The following PTPRJ variants were observed in gnomAD, a reference collection of about 807,000 sequenced individuals.
PTPRJ encodes the protein protein tyrosine phosphatase receptor type J, also known as receptor-type tyrosine-protein phosphatase eta.
A neutral mutation model predicts 141.3 loss-of-function variants in PTPRJ; 129 were observed. The ratio of observed to expected loss-of-function variants is 0.91; its 90% CI spans 0.79 to 1.06. The LOEUF (loss-of-function observed/expected upper bound fraction) is 1.06, where lower values mean the gene tolerates loss of function less well. PTPRJ is among the 50% of genes least tolerant of loss of function. The pLI is 0.00. For missense variants in PTPRJ, 1,601 were observed against 1,679.7 expected (o/e 0.95, Z 0.82); for synonymous variants, 610 against 640.5 (o/e 0.95, Z 0.72).
chr11:48,167,182 C>T, intron 24 of PTPRJ, 22 bp from the exon 25 acceptor site: 2 of 1,595,040 alleles, frequency 1.3e-6, no homozygotes, highest in Non-Finnish European at 8.6e-7. Flanking sequence ...TTTTCTGTCT[C>T]TCTCTTTCGT....
At position 48,156,032 on chromosome 11, in the gene PTPRJ, G is replaced by A. The variant is rs760364226; in HGVS notation, c.3351G>A (p.Pro1117=). 1.3e-5 allele frequency: 21 copies of A among 1,605,908 alleles called. No homozygotes were observed. The highest frequency in any genetic ancestry group is 1.7e-5 in the Non-Finnish European group (20 of 1,172,682). Residue 1117 remains proline, a synonymous_variant, in exon 21 of 25, where the codon CCG becomes CCA. Coordinates refer to ENST00000418331, the MANE Select transcript of PTPRJ (RefSeq NM_002843.4). ...KDFIATQGPL[P]NTLKDFWRMV... ...TTATTGCCACACAAGGACCTTTACC[G>A]AACACTTTGAAAGATTTTTGGCGTA...
intron 1 of PTPRJ, among the ~76,000 whole-genome samples, chr11:48,082,866 C>A (rs546692420): frequency 1.3e-5 from 2 of 152,244 alleles, no homozygotes; most frequent in African/African-American, 4.8e-5. Flanking sequence ...ATAGTATCTA[C>A]CCTCCAGGAG....
At chr11:48,070,705 T>C (rs1392427620) in intron 1 of PTPRJ, among the ~76,000 whole-genome samples, 1 of 152,238 alleles carries the variant, frequency 6.6e-6, no homozygotes, top group Non-Finnish European at 1.5e-5. Context: ...AGGGGATTTC[T>C]CCATGGGCCT....
rs141585523 is a variant in PTPRJ at position 48,015,743 on chromosome 11, C to T, written c.96+34735C>T. On this transcript the variant is annotated intron_variant, in intron 1 of 24. Transcript: ENST00000418331. ...GCGTGCACCTGTAATCCCAGCTACT[C>T]GGGAGGCTGAGGCAGGAGAATCCCT... The T allele has an allele frequency of 9.9e-3, 1,463 of 147,746 alleles. 9 individuals carry two copies. The highest frequency in any genetic ancestry group is 0.041 in the Middle Eastern group (11 of 268). The allele number at this position is 147,746 out of a possible 1,614,324, so 9.2% of individuals were successfully genotyped here. A position where few individuals can be genotyped will look rare whatever the true frequency, so the allele number is the denominator to read the frequency against.
chr11:48,070,768 T>G (rs1161715304), intron 1 of PTPRJ, among the ~76,000 whole-genome samples: 1 of 152,250 alleles, frequency 6.6e-6, no homozygotes, highest in Non-Finnish European at 1.5e-5. Flanking sequence ...GTGCCATTGC[T>G]AAGAGTTTTT....
chr11:48,053,221 TAAA>T (rs1333872815), intron 1 of PTPRJ, among the ~76,000 whole-genome samples: 2 of 87,914 alleles, frequency 2.3e-5, no homozygotes, highest in African/African-American at 1.1e-4. Context: ...TATAATATAT[TAAA>T]TATATTATAT....
chr11:48,121,766 A>G (rs540390830), intron 4 of PTPRJ, among the ~76,000 whole-genome samples: 1 of 152,356 alleles, frequency 6.6e-6, no homozygotes, highest in African/African-American at 2.4e-5. Context: ...AGATGTCAAT[A>G]CCGAAGCCAT....
intron 19 of PTPRJ, among the ~76,000 whole-genome samples, chr11:48,154,353 G>A (rs1288865453): frequency 6.6e-6 from 1 of 152,254 alleles, no homozygotes; most frequent in African/African-American, 2.4e-5. Context: ...CACATGGGCT[G>A]AGTGAATTCC....
At chr11:47,986,077 A>G (rs1854044128) in intron 1 of PTPRJ, among the ~76,000 whole-genome samples, 1 of 152,092 alleles carries the variant, frequency 6.6e-6, no homozygotes, top group African/African-American at 2.4e-5. Context: ...ATCCCTCTTC[A>G]TCCTTCCAAG....
At chr11:48,159,161 G>GTGTGTGTGTGTGTGTGTGTGTGTTTA (rs60389100) in intron 21 of PTPRJ, among the ~76,000 whole-genome samples, 3 of 130,636 alleles carry the variant, frequency 2.3e-5, no homozygotes, top group Non-Finnish European at 4.8e-5. Context: ...GTGTGTGTGT[G>GTGTGTGTGTGTGTGTGTGTGTGTTTA]GTCATTTGCC....
At chr11:48,131,402 C>A (rs555560489) in intron 8 of PTPRJ, 6 of 689,674 alleles carry the variant, frequency 8.7e-6, no homozygotes, top group East Asian at 2.6e-5. Flanking sequence ...ATATTTATTT[C>A]TTTCACAAAC....
At position 48,143,039 on chromosome 11, in the gene PTPRJ, C is replaced by T. The variant is rs754587299; in HGVS notation, c.2564C>T (p.Thr855Ile). 1 of 1,614,106 alleles carries T rather than the reference C, an allele frequency of 6.2e-7. No homozygotes were observed. Among genetic ancestry groups the T allele is most frequent in the Non-Finnish European group, 8.5e-7 (1 of 1,179,978 alleles). Residue 855 changes from threonine (T) to isoleucine (I), a missense_variant, in exon 12 of 25, where the codon ACC (threonine) becomes ATC (isoleucine). Transcript: ENST00000418331. ...ATCAAAGCCTATGCTGTCATTCTCACCACCGGGGAAGGTAAGGAGAGGCCT... is the reference window on the plus strand; with the variant it reads ...ATCAAAGCCTATGCTGTCATTCTCATCACCGGGGAAGGTAAGGAGAGGCCT... ...GPIKAYAVILTTGEAGHPSAD... is the reference protein window; with the variant it reads ...GPIKAYAVILITGEAGHPSAD...
At chr11:48,160,611 T>C (rs1857743789) in intron 22 of PTPRJ, among the ~76,000 whole-genome samples, 1 of 152,172 alleles carries the variant, frequency 6.6e-6, no homozygotes, top group African/African-American at 2.4e-5. Flanking sequence ...TGAAGCAGCA[T>C]TGGTATCTGT....
intron 1 of PTPRJ, among the ~76,000 whole-genome samples, chr11:48,092,193 G>A (rs892867499): frequency 1.3e-5 from 2 of 149,678 alleles, no homozygotes; most frequent in African/African-American, 2.5e-5. Flanking sequence ...TACTCAGTAG[G>A]CTGAGGCAAA....
At chr11:48,148,786 C>T (rs1432777759) in intron 15 of PTPRJ, among the ~76,000 whole-genome samples, 1 of 152,114 alleles carries the variant, frequency 6.6e-6, no homozygotes, top group Non-Finnish European at 1.5e-5. Flanking sequence ...TATGACAGTA[C>T]CATGATCTAG....
At chr11:47,981,513 C>T (rs970661400) in intron 1 of PTPRJ, among the ~76,000 whole-genome samples, 1 of 152,164 alleles carries the variant, frequency 6.6e-6, no homozygotes, top group Non-Finnish European at 1.5e-5. Context: ...CTGGGCGAGG[C>T]GCGGGACTCC....
intron 24 of PTPRJ, among the ~76,000 whole-genome samples, chr11:48,165,865 C>CTT (rs145510713): frequency 1.4e-5 from 2 of 147,902 alleles, no homozygotes; most frequent in Non-Finnish European, 1.5e-5. Context: ...TTTCTCTCCT[C>CTT]TTTTTTTTTT....
chr11:48,093,099 G>A (rs991903399), intron 1 of PTPRJ, among the ~76,000 whole-genome samples: 4 of 152,100 alleles, frequency 2.6e-5, no homozygotes, highest in African/African-American at 4.8e-5. Context: ...TGTTACTCTC[G>A]TTTTTATACA....
intron 1 of PTPRJ, among the ~76,000 whole-genome samples, chr11:48,012,933 C>T (rs1452084531): frequency 6.6e-6 from 1 of 151,834 alleles, no homozygotes. Flanking sequence ...CGTGAAACCC[C>T]ATCTCTACTA....
Sources: allele counts gnomAD v4.1 joint callset (sites outside exome capture counted in the v4.1 genomes callset), GRCh38; gene constraint gnomAD v4.1.1; transcripts MANE v1.5; gene names NCBI Gene and HGNC (gene_info 2026-07-23, HGNC 2026-07-21).